CALCOCO2: variants seen among roughly 807,000 people sequenced by gnomAD.
The protein encoded by CALCOCO2 is calcium binding and coiled-coil domain 2, also known as calcium-binding and coiled-coil domain-containing protein 2.
In CALCOCO2, 42 loss-of-function variants were observed where a neutral mutation model predicts 62.5. That is an observed-to-expected ratio of 0.67 (90% CI 0.53 to 0.87). The LOEUF (loss-of-function observed/expected upper bound fraction) is 0.87. CALCOCO2 is among the 40% of genes least tolerant of loss of function. CALCOCO2 has a pLI of 0.00. For synonymous variants in CALCOCO2, 167 were observed against 173.0 expected, an observed-to-expected ratio of 0.97 and a Z score of 0.27; for missense variants, 456 against 515.0, an observed-to-expected ratio of 0.89 and a Z score of 1.11.
chr17:48,836,758 C>CTT (rs762035927), intron 1 of CALCOCO2, among the ~76,000 whole-genome samples: 20 of 122,332 alleles, frequency 1.6e-4, no homozygotes, highest in African/African-American at 3.3e-4. Flanking sequence ...GGAAGTCACT[C>CTT]TTTTTTTTTT....
intron 1 of CALCOCO2, chr17:48,831,552 A>G (rs1385894124): frequency 1.3e-5 from 2 of 152,138 alleles, no homozygotes; most frequent in Non-Finnish European, 2.9e-5. Flanking sequence ...CCCCTTTACG[A>G]GTAGGTTTGA....
chr17:48,833,864 C>T (rs1312149130), intron 1 of CALCOCO2, among the ~76,000 whole-genome samples: 1 of 152,006 alleles, frequency 6.6e-6, no homozygotes, highest in Non-Finnish European at 1.5e-5. Context: ...CACGGTAGCT[C>T]ATGCATGTAA....
In CALCOCO2 at chr17:48,864,351, A is replaced by G; in HGVS notation, c.*1346A>G. 6.5e-6 allele frequency: 1 copy of G among 154,220 alleles called. No individual in the cohort carries two copies. The highest frequency in any genetic ancestry group is 2.0e-4 in the South Asian group (1 of 4,920). 9.6% of individuals were successfully genotyped at this position (154,220 alleles called of 1,614,324 possible). On this transcript the variant is annotated 3_prime_UTR_variant, in exon 13 of 13. Coordinates refer to ENST00000258947, the MANE Select transcript of CALCOCO2 (RefSeq NM_005831.5). ...AGTGCTGGGATTACAAGCGTGAGCCACTGTGCTGGGCCCGAGGCCCTGACT... is the reference window on the plus strand; with the variant it reads ...AGTGCTGGGATTACAAGCGTGAGCCGCTGTGCTGGGCCCGAGGCCCTGACT...
At position 48,848,319 on chromosome 17, in the gene CALCOCO2, C is replaced by T. The variant is rs1368715418; in HGVS notation, c.284-3C>T. On this transcript the variant is annotated splice_region_variant and splice_polypyrimidine_tract_variant and intron_variant, in intron 3 of 12. Transcript: ENST00000258947. ...TGGATGAAAAATTATGTTGTGTTTT[C>T]AGCTTACTACCTGCCCAAGGATGAT... The T allele has an allele frequency of 1.2e-6, 2 of 1,611,866 alleles. No individual in the cohort carries two copies. Among genetic ancestry groups the T allele is most frequent in the African/African-American group, 2.7e-5 (2 of 74,848 alleles).
intron 2 of CALCOCO2, chr17:48,846,102 T>G (rs936071884): frequency 7.0e-6 from 9 of 1,294,440 alleles, no homozygotes; most frequent in Non-Finnish European, 9.5e-6. Flanking sequence ...ACCAGGTAGG[T>G]ACTCAGTAAC....
At chr17:48,848,742 A>G (rs540282829) in intron 4 of CALCOCO2, 31 of 557,266 alleles carry the variant, frequency 5.6e-5, no homozygotes, top group African/African-American at 3.3e-4. Flanking sequence ...TCTTATCACA[A>G]TGGTAAATGT....
chr17:48,843,635 G>A (rs958845484), intron 2 of CALCOCO2, among the ~76,000 whole-genome samples: 1 of 152,238 alleles, frequency 6.6e-6, no homozygotes, highest in Admixed American at 6.5e-5. Context: ...GACAGCTGTT[G>A]AGACTGCAAG....
intron 7 of CALCOCO2, 197 bp downstream of exon 7, chr17:48,851,825 T>TAA: frequency 8.6e-5 from 34 of 395,392 alleles, no homozygotes; most frequent in South Asian, 1.5e-4. Context: ...CCCCTGCTTT[T>TAA]AAAAAAAAAA....
At chr17:48,853,815 G>C (rs1462186555) in intron 9 of CALCOCO2, among the ~76,000 whole-genome samples, 1 of 152,158 alleles carries the variant, frequency 6.6e-6, no homozygotes, top group Non-Finnish European at 1.5e-5. Flanking sequence ...GAAATGAAGG[G>C]ACCTAGCAAC....
intron 1 of CALCOCO2, among the ~76,000 whole-genome samples, chr17:48,838,311 G>T (rs1014536076): frequency 6.6e-6 from 1 of 152,056 alleles, no homozygotes; most frequent in Non-Finnish European, 1.5e-5. Context: ...GTCAGGGGTC[G>T]ATCTTTAACT....
At chr17:48,840,947 T>C (rs2039967666) in intron 1 of CALCOCO2, among the ~76,000 whole-genome samples, 1 of 152,218 alleles carries the variant, frequency 6.6e-6, no homozygotes, top group Non-Finnish European at 1.5e-5. Flanking sequence ...ATCAACTTTG[T>C]GTGAAGTGCC....
chr17:48,864,878 C>T lies in CALCOCO2; in HGVS notation c.*1873C>T, dbSNP rs953197502. The T allele has an allele frequency of 1.3e-5, 2 of 152,234 alleles. No individual in the cohort carries two copies. Among genetic ancestry groups the T allele is most frequent in the African/African-American group, 4.8e-5 (2 of 41,468 alleles). 9.4% of individuals were successfully genotyped at this position (152,234 alleles called of 1,614,324 possible). On this transcript the variant is annotated 3_prime_UTR_variant, in exon 13 of 13. Transcript: ENST00000258947. ...GGAGTTTTTCTGGCACATACCCTCC[C>T]TACAGAATTTCTGTTGCTCCCCAGA...
intron 1 of CALCOCO2, among the ~76,000 whole-genome samples, chr17:48,839,895 G>A (rs946487530): frequency 6.6e-6 from 1 of 151,232 alleles, no homozygotes; most frequent in Non-Finnish European, 1.5e-5. Flanking sequence ...AGCTGGTCTC[G>A]AATTCCTAAC....
chr17:48,838,310 C>G (rs1206589639), intron 1 of CALCOCO2, among the ~76,000 whole-genome samples: 3 of 152,002 alleles, frequency 2.0e-5, no homozygotes, highest in Admixed American at 6.6e-5. Context: ...GGTCAGGGGT[C>G]GATCTTTAAC....
chr17:48,863,364 A>G lies in CALCOCO2; in HGVS notation c.*359A>G, dbSNP rs2040354445. On this transcript the variant is annotated 3_prime_UTR_variant, in exon 13 of 13. Transcript: ENST00000258947. ...TTCCAAGTTGTCCCACTGCCATTCA[A>G]AGTCAGCCCTTGAGTGTATTTGTTC... 1 of 281,902 alleles carries G rather than the reference A, an allele frequency of 3.5e-6. No homozygotes were observed. The highest frequency in any genetic ancestry group is 7.0e-6 in the Non-Finnish European group (1 of 142,260). The allele number at this position is 281,902 out of a possible 1,614,324, so 17.5% of individuals were successfully genotyped here.
At position 48,841,729 on chromosome 17, in the gene CALCOCO2, C is replaced by T. The variant is rs747896111; in HGVS notation, c.22C>T (p.Pro8Ser). 213 of 1,611,594 alleles carry T rather than the reference C, an allele frequency of 1.3e-4. 1 individual carries two copies. The highest frequency in any genetic ancestry group is 1.7e-4 in the Non-Finnish European group (203 of 1,178,554). Reference protein sequence around the residue: MEETIKDPPTSAVLLDHC... With the variant: MEETIKDSPTSAVLLDHC... Reference sequence around the variant, plus strand: ...TACCATGGAGGAGACCATCAAAGATCCCCCCACATCAGCTGTCTTGCTGGA... The same window carrying T: ...TACCATGGAGGAGACCATCAAAGATTCCCCCACATCAGCTGTCTTGCTGGA... Residue 8 changes from proline (P) to serine (S), a missense_variant, in exon 2 of 13, where the codon CCC becomes TCC. By Grantham distance (74) the Pro-to-Ser change is moderately conservative (BLOSUM62 -1). This residue lies in a region of CALCOCO2 where 48 missense variants were observed against 79.3 expected (regional missense o/e 0.61). Coordinates refer to ENST00000258947, the MANE Select transcript of CALCOCO2 (RefSeq NM_005831.5).
intron 1 of CALCOCO2, among the ~76,000 whole-genome samples, chr17:48,837,329 G>A (rs1228427106): frequency 6.6e-6 from 1 of 152,096 alleles, no homozygotes; most frequent in East Asian, 1.9e-4. Context: ...AGACTGGAAT[G>A]TGAACATTCC....
chr17:48,856,258 G>T, intron 10 of CALCOCO2, 71 bp downstream of exon 10: 1 of 819,964 alleles, frequency 1.2e-6, no homozygotes. Flanking sequence ...CAGAGATGTA[G>T]TGAAAAAAAT....
At chr17:48,834,830 T>G (rs2039869012) in intron 1 of CALCOCO2, among the ~76,000 whole-genome samples, 1 of 152,128 alleles carries the variant, frequency 6.6e-6, no homozygotes, top group Non-Finnish European at 1.5e-5. Context: ...GGAGGATTGC[T>G]TGAGTCCAGG....
Sources: gnomAD v4.1 joint callset for allele counts (sites outside exome capture counted in the v4.1 genomes callset) on GRCh38, gnomAD v4.1.1 for gene constraint, gnomAD v4.1.1 regional missense constraint, MANE v1.5 for transcripts, NCBI Gene and HGNC (gene_info 2026-07-23, HGNC 2026-07-21) for gene names.